Variants in DNM2 observed in about 807,000 individuals in gnomAD.
DNM2 encodes the protein dynamin-2.
In DNM2, 15 loss-of-function variants were observed where a neutral mutation model predicts 99.0. The ratio of observed to expected loss-of-function variants is 0.15; its 90% CI spans 0.10 to 0.23. DNM2 has a LOEUF of 0.23. Among genes scored for constraint, DNM2 ranks in the 10% least tolerant of loss-of-function variants. The pLI, the probability that DNM2 is intolerant of heterozygous loss-of-function variation, is 1.00. For missense variants in DNM2, 742 were observed against 1,189.4 expected, an observed-to-expected ratio of 0.62 and a Z score of 5.53; for synonymous variants, 525 against 481.2, an observed-to-expected ratio of 1.09 and a Z score of -1.19.
At position 10,830,885 on chromosome 19, in the gene DNM2, TG is replaced by T; in HGVS notation, c.2544-90del. ...CCTGGGAACACCCTGGGGTGGTGTGTGGGTGGGGGCTGGGTCCTCAACCCAG... is the reference window on the plus strand; with the variant it reads ...CCTGGGAACACCCTGGGGTGGTGTGTGGTGGGGGCTGGGTCCTCAACCCAG... On this transcript the variant is annotated intron_variant, in intron 20 of 20. Transcript: ENST00000389253. This position sits in a 1 kb window ranked among gnomAD's most constrained non-coding sequence, Gnocchi z 4.8. 6.9e-7 allele frequency: 1 copy of T among 1,442,366 alleles called. No homozygotes were observed. The highest frequency in any genetic ancestry group is 1.4e-5 in the African/African-American group (1 of 69,622). The allele number at this position is 1,442,366 out of a possible 1,614,324, so 89.3% of individuals were successfully genotyped here. A position where few individuals can be genotyped will look rare whatever the true frequency, so the allele number is the denominator to read the frequency against.
chr19:10,794,586 A>G (rs2071869529), intron 8 of DNM2, among the ~76,000 whole-genome samples: 1 of 152,104 alleles, frequency 6.6e-6, no homozygotes, highest in African/African-American at 2.4e-5. Flanking sequence ...TACTAAAAAT[A>G]CAAAAATTAT....
intron 2 of DNM2, among the ~76,000 whole-genome samples, chr19:10,767,620 A>C (rs538176124): frequency 2.0e-5 from 3 of 151,052 alleles, no homozygotes; most frequent in African/African-American, 7.3e-5. Context: ...TTAAACCTCT[A>C]TTGGGCTGGG....
At chr19:10,815,467 C>T (rs1481471119) in intron 15 of DNM2, among the ~76,000 whole-genome samples, 2 of 152,180 alleles carry the variant, frequency 1.3e-5, no homozygotes, top group African/African-American at 2.4e-5. Context: ...CTCTGGACTG[C>T]GGGAACCAGT....
intron 2 of DNM2, among the ~76,000 whole-genome samples, chr19:10,760,281 C>T (rs2070575591): frequency 6.6e-6 from 1 of 151,532 alleles, no homozygotes; most frequent in African/African-American, 2.4e-5. Context: ...CCTCAAGTGA[C>T]CCTCTCACTT....
chr19:10,728,651 A>G (rs2069189607), intron 1 of DNM2, among the ~76,000 whole-genome samples: 1 of 152,176 alleles, frequency 6.6e-6, no homozygotes, highest in Admixed American at 6.5e-5. Context: ...CAGTTAAATG[A>G]GCAAGAACAT....
intron 1 of DNM2, among the ~76,000 whole-genome samples, chr19:10,732,461 G>C: frequency 6.6e-6 from 1 of 151,688 alleles, no homozygotes; most frequent in Non-Finnish European, 1.5e-5. Flanking sequence ...TTAGCTGGGC[G>C]TGGTGGCGAG....
At chr19:10,740,362 A>C (rs923295018) in intron 1 of DNM2, among the ~76,000 whole-genome samples, 3 of 151,182 alleles carry the variant, frequency 2.0e-5, no homozygotes, top group African/African-American at 4.9e-5. Flanking sequence ...AAAGTATTTG[A>C]AATCTTTCTC....
chr19:10,823,741 C>G (rs1373663469), intron 16 of DNM2, 47 bp from the exon 17 acceptor site: 24 of 1,581,250 alleles, frequency 1.5e-5, no homozygotes, highest in Non-Finnish European at 2.1e-5. Flanking sequence ...TCTGCCAGAC[C>G]CATGGCAGGG....
chr19:10,795,337 G>T lies in DNM2; in HGVS notation c.1129-35G>T. 1 of 1,613,124 alleles carries T rather than the reference G, an allele frequency of 6.2e-7. No individual in the cohort carries two copies. Among genetic ancestry groups the T allele is most frequent in the Non-Finnish European group, 8.5e-7 (1 of 1,179,242 alleles). ...CGCCTGCCACGGGGGCGCCCCGGGTGCCTCCATGCATGTGCTTGGTTTGTC... is the reference window on the plus strand; with the variant it reads ...CGCCTGCCACGGGGGCGCCCCGGGTTCCTCCATGCATGTGCTTGGTTTGTC... On this transcript the variant is annotated intron_variant, in intron 8 of 20. Transcript: ENST00000389253. The surrounding 1 kb of genome is among the most constrained non-coding windows in gnomAD (Gnocchi z 4.2).
chr19:10,762,509 C>T (rs996152981), intron 2 of DNM2, among the ~76,000 whole-genome samples: 1 of 152,122 alleles, frequency 6.6e-6, no homozygotes, highest in African/African-American at 2.4e-5. Context: ...ATGACAATAA[C>T]ACCACCTTGT....
At chr19:10,751,592 C>T (rs2145814718) in intron 1 of DNM2, among the ~76,000 whole-genome samples, 1 of 152,288 alleles carries the variant, frequency 6.6e-6, no homozygotes, top group South Asian at 2.1e-4. Flanking sequence ...CTGGGGGGCT[C>T]ATTTCGGAGG....
At position 10,831,641 on chromosome 19, in the gene DNM2, G is replaced by C; in HGVS notation, c.*594G>C. ...AGGTGCCTTTGCTAGGCCCGGAGCCGTTGGCCCGGGCCGGCCTTGCCCTAT... is the reference window on the plus strand; with the variant it reads ...AGGTGCCTTTGCTAGGCCCGGAGCCCTTGGCCCGGGCCGGCCTTGCCCTAT... On this transcript the variant is annotated 3_prime_UTR_variant, in exon 21 of 21. Transcript: ENST00000389253. This position sits in a 1 kb window ranked among gnomAD's most constrained non-coding sequence, Gnocchi z 4.3. 1.0e-6 allele frequency: 1 copy of C among 986,102 alleles called. No homozygotes were observed. Among genetic ancestry groups the C allele is most frequent in the Non-Finnish European group, 1.2e-6 (1 of 830,218 alleles). The allele number at this position is 986,102 out of a possible 1,614,324, so 61.1% of individuals were successfully genotyped here.
At chr19:10,797,653 G>C in intron 10 of DNM2, 135 bp downstream of exon 10, 1 of 1,379,248 alleles carries the variant, frequency 7.3e-7, no homozygotes, top group Non-Finnish European at 1.0e-6. Flanking sequence ...TAGAGATGTC[G>C]CCACCTTGCA....
chr19:10,783,219 T>C (rs2071436675), intron 6 of DNM2, 99 bp downstream of exon 6: 1 of 1,555,626 alleles, frequency 6.4e-7, no homozygotes, highest in Non-Finnish European at 8.7e-7. Flanking sequence ...AGAGCAGCAC[T>C]TGTTTTAGCA....
intron 2 of DNM2, among the ~76,000 whole-genome samples, chr19:10,760,668 T>A (rs547444437): frequency 9.2e-5 from 14 of 151,976 alleles, no homozygotes; most frequent in African/African-American, 3.4e-4. Context: ...TCACTTTTTT[T>A]ATTTTTTTTA....
chr19:10,767,218 T>TAAAA (rs5827112), intron 2 of DNM2, among the ~76,000 whole-genome samples: 1 of 142,826 alleles, frequency 7.0e-6, no homozygotes. Flanking sequence ...AGTGGATTGT[T>TAAAA]AAAAAAAAAA....
At chr19:10,747,064 G>C (rs1374608778) in intron 1 of DNM2, among the ~76,000 whole-genome samples, 1 of 150,216 alleles carries the variant, frequency 6.7e-6, no homozygotes, top group Admixed American at 6.6e-5. Flanking sequence ...TAGTAGTAGA[G>C]ACAGGGTCTC....
At chr19:10,762,451 C>G (rs1043026422) in intron 2 of DNM2, among the ~76,000 whole-genome samples, 3 of 152,152 alleles carry the variant, frequency 2.0e-5, no homozygotes, top group African/African-American at 7.2e-5. Flanking sequence ...AGGTTCCCAA[C>G]CCAGCTCCTA....
At chr19:10,774,586 C>A (rs553860773) in intron 3 of DNM2, among the ~76,000 whole-genome samples, 2 of 152,168 alleles carry the variant, frequency 1.3e-5, no homozygotes, top group African/African-American at 4.8e-5. Context: ...GCCACCTCAC[C>A]CGGCTAATTT....
Sources: gnomAD v4.1 joint callset for allele counts (sites outside exome capture counted in the v4.1 genomes callset) on GRCh38, gnomAD v4.1.1 for gene constraint, Gnocchi (gnomAD v3.1) non-coding constraint, MANE v1.5 for transcripts, NCBI Gene and HGNC (gene_info 2026-07-23, HGNC 2026-07-21) for gene names.